ARMC8: variants seen among roughly 807,000 people sequenced by gnomAD.
ARMC8 encodes the protein armadillo repeat containing 8, also known as armadillo repeat-containing protein 8.
Under a neutral mutation model 99.3 loss-of-function variants are expected in ARMC8, and 20 were observed. The observed-to-expected ratio is 0.20, with a 90% CI of 0.14 to 0.29. The LOEUF (loss-of-function observed/expected upper bound fraction) is 0.29. Among genes scored for constraint, ARMC8 ranks in the 10% least tolerant of loss-of-function variants. The probability of loss-of-function intolerance (pLI) is 1.00; values close to 1 mark genes in which losing one functional copy is unlikely to be tolerated. For missense variants in ARMC8, 569 were observed against 809.5 expected, an observed-to-expected ratio of 0.70 and a Z score of 3.60; for synonymous variants, 263 against 278.3, an observed-to-expected ratio of 0.95 and a Z score of 0.55.
chr3:138,282,889 A>G (rs1197656610), intron 18 of ARMC8, among the ~76,000 whole-genome samples: 1 of 152,156 alleles, frequency 6.6e-6, no homozygotes, highest in Non-Finnish European at 1.5e-5. Context: ...AGTGCAGATT[A>G]TTATTGATTT....
intron 5 of ARMC8, among the ~76,000 whole-genome samples, chr3:138,228,363 G>A (rs1029437697): frequency 6.6e-6 from 1 of 152,164 alleles, no homozygotes; most frequent in Non-Finnish European, 1.5e-5. Context: ...CTTTTACATA[G>A]GTTCTTAAGT....
At chr3:138,267,281 A>G (rs2108281766) in intron 15 of ARMC8, 40 bp downstream of exon 15, 4 of 1,245,090 alleles carry the variant, frequency 3.2e-6, no homozygotes, top group Non-Finnish European at 3.3e-6. Context: ...TGCCCAGTCC[A>G]GCTAGAGCTT....
intron 12 of ARMC8, among the ~76,000 whole-genome samples, chr3:138,253,772 T>G (rs1043595801): frequency 1.3e-5 from 2 of 152,222 alleles, no homozygotes; most frequent in African/African-American, 4.8e-5. Flanking sequence ...TTGTGAATGC[T>G]TACAGTTTAA....
intron 19 of ARMC8, among the ~76,000 whole-genome samples, chr3:138,288,786 C>G (rs759318762): frequency 2.2e-4 from 34 of 151,972 alleles, no homozygotes; most frequent in Non-Finnish European, 4.0e-4. Flanking sequence ...TACAGGCGCC[C>G]GCCACTACAC....
intron 5 of ARMC8, among the ~76,000 whole-genome samples, chr3:138,227,366 T>C (rs2045748943): frequency 6.6e-6 from 1 of 152,160 alleles, no homozygotes; most frequent in South Asian, 2.1e-4. Context: ...ATCTACCTAT[T>C]TGCCTTTTCT....
chr3:138,194,196 C>G (rs1335558739), intron 1 of ARMC8, among the ~76,000 whole-genome samples: 1 of 151,392 alleles, frequency 6.6e-6, no homozygotes, highest in Non-Finnish European at 1.5e-5. Flanking sequence ...GCACCCACTG[C>G]CACGCCCGGC....
intron 1 of ARMC8, chr3:138,188,333 T>G: frequency 7.9e-7 from 1 of 1,272,252 alleles, no homozygotes; most frequent in Non-Finnish European, 1.0e-6. Context: ...TATTTCCCCA[T>G]TGTTGAAAGA....
chr3:138,221,000 T>C (rs917304228), intron 2 of ARMC8, among the ~76,000 whole-genome samples: 2 of 152,128 alleles, frequency 1.3e-5, no homozygotes, highest in Non-Finnish European at 2.9e-5. Context: ...AGGGAAGTTT[T>C]TTTAAACATT....
chr3:138,223,672 G>T lies in ARMC8; in HGVS notation c.374G>T (p.Cys125Phe). ...LSPDLKFIEA[C>F]LRCLRTIFTS... ...CCAGACCTGAAGTTTATTGAAGCTT[G>T]CCTCCGATGCCTGCGTACCATCTTC... Residue 125 changes from cysteine (C) to phenylalanine (F), a missense_variant, in exon 5 of 22, where the codon TGC (cysteine) becomes TTC (phenylalanine). Cys to Phe is a radical substitution (Grantham distance 205, BLOSUM62 -2). This residue lies in a region of ARMC8 where 342 missense variants were observed against 391.6 expected (regional missense o/e 0.87). Coordinates refer to ENST00000469044, the MANE Select transcript of ARMC8 (RefSeq NM_001363941.2). 1 of 1,614,174 alleles carries T rather than the reference G, an allele frequency of 6.2e-7. No homozygotes were observed. Among genetic ancestry groups the T allele is most frequent in the Non-Finnish European group, 8.5e-7 (1 of 1,180,026 alleles).
At chr3:138,225,267 C>T (rs1342267484) in intron 5 of ARMC8, among the ~76,000 whole-genome samples, 1 of 152,088 alleles carries the variant, frequency 6.6e-6, no homozygotes, top group African/African-American at 2.4e-5. Flanking sequence ...TGTGCCACCA[C>T]GCCCAGCTGA....
In ARMC8 at chr3:138,211,096, A is replaced by G. The variant is rs1386931241; in HGVS notation, c.122+1203A>G. 2.4e-4 allele frequency among the ~76,000 whole-genome samples: 37 copies of G among 152,224 alleles called. 1 individual carries two copies. The highest frequency in any genetic ancestry group is 2.4e-3 in the Admixed American group (37 of 15,278). ...AGACTAGTTTAATTATTACCAGGAA[A>G]AATGGTTTATTAAATCCATCTATTA... is the stretch of plus-strand genomic sequence containing the variant. On this transcript the variant is annotated intron_variant, in intron 2 of 21. Coordinates refer to ENST00000469044, the MANE Select transcript of ARMC8 (RefSeq NM_001363941.2).
chr3:138,210,030 C>T (rs2044605598), intron 2 of ARMC8, 137 bp downstream of exon 2: 1 of 548,654 alleles, frequency 1.8e-6, no homozygotes, highest in Non-Finnish European at 3.2e-6. Context: ...GACTGCTTGA[C>T]ATTCATGACG....
Position 138,267,186 on chromosome 3 carries a change from T to A in ARMC8, c.1331T>A (p.Val444Glu). The A allele has an allele frequency of 6.3e-7, 1 of 1,580,704 alleles. No individual in the cohort carries two copies. Among genetic ancestry groups the A allele is most frequent in the Non-Finnish European group, 8.6e-7 (1 of 1,161,648 alleles). Reference protein sequence around the residue: ...VLQNAPDEILVVASSMLCNLL... With the variant: ...VLQNAPDEILEVASSMLCNLL... ...CAAAATGCACCAGATGAAATCCTAG[T>A]GGTAGCATCTTCCATGCTGTGTAAT... is the stretch of plus-strand genomic sequence containing the variant. Residue 444 changes from valine (V) to glutamate (E), a missense_variant, in exon 15 of 22, where the codon GTG becomes GAG. Transcript: ENST00000469044.
At chr3:138,197,323 T>TA (rs1446101150) in intron 1 of ARMC8, among the ~76,000 whole-genome samples, 3 of 152,186 alleles carry the variant, frequency 2.0e-5, no homozygotes, top group Non-Finnish European at 1.5e-5. Context: ...GCAGGGCTAT[T>TA]ACTGCCTGTA....
rs962058677 is a variant in ARMC8 at position 138,298,316 on chromosome 3, C to A, written c.*2424C>A. On this transcript the variant is annotated 3_prime_UTR_variant, in exon 22 of 22. Coordinates refer to ENST00000469044, the MANE Select transcript of ARMC8 (RefSeq NM_001363941.2). ...TTTATTCAGAACAATACATGTTCTT[C>A]TGGTAGTGTTTGGATAATATGATTT... The A allele has an allele frequency of 6.6e-6, 1 of 152,118 alleles. No homozygotes were observed. Among genetic ancestry groups the A allele is most frequent in the Non-Finnish European group, 1.5e-5 (1 of 68,020 alleles). The allele number at this position is 152,118 out of a possible 1,614,324, so 9.4% of individuals were successfully genotyped here.
intron 16 of ARMC8, among the ~76,000 whole-genome samples, chr3:138,272,402 A>G (rs889817801): frequency 1.3e-5 from 2 of 152,252 alleles, no homozygotes; most frequent in African/African-American, 4.8e-5. Context: ...TTTATTTGAG[A>G]AGTCTTAAGA....
At chr3:138,223,763 T>G in intron 5 of ARMC8, 30 bp downstream of exon 5, 1 of 1,567,456 alleles carries the variant, frequency 6.4e-7, no homozygotes, top group Non-Finnish European at 8.8e-7. Flanking sequence ...GAGACATTAG[T>G]TACATTTCAC....
chr3:138,282,088 C>G (rs2049984240), intron 18 of ARMC8, among the ~76,000 whole-genome samples: 1 of 152,142 alleles, frequency 6.6e-6, no homozygotes, highest in Admixed American at 6.5e-5. Context: ...TACCTGTGTT[C>G]CCTAGATTGG....
chr3:138,208,084 C>T (rs1385877495), intron 1 of ARMC8, among the ~76,000 whole-genome samples: 1 of 116,466 alleles, frequency 8.6e-6, no homozygotes, highest in Non-Finnish European at 1.8e-5. Flanking sequence ...AAGACGGCAT[C>T]TCTGTTTTTT....
Sources: gnomAD v4.1 joint callset for allele counts (sites outside exome capture counted in the v4.1 genomes callset) on GRCh38, gnomAD v4.1.1 for gene constraint, gnomAD v4.1.1 regional missense constraint, MANE v1.5 for transcripts, NCBI Gene and HGNC (gene_info 2026-07-23, HGNC 2026-07-21) for gene names.